The following IQGAP2 variants were observed in gnomAD, a reference collection of about 807,000 sequenced individuals.
The protein encoded by IQGAP2 is IQ motif containing GTPase activating protein 2.
Under a neutral mutation model 201.3 loss-of-function variants are expected in IQGAP2, and 173 were observed. That is an observed-to-expected ratio of 0.86 (90% CI 0.76 to 0.98). The LOEUF (loss-of-function observed/expected upper bound fraction) is 0.98. Among genes scored for constraint, IQGAP2 ranks in the 50% least tolerant of loss-of-function variants. The pLI is 0.00. For missense variants in IQGAP2, 1,687 were observed against 1,864.8 expected (o/e 0.90, Z 1.76); for synonymous variants, 675 against 673.9 (o/e 1.00, Z -0.03).
At chr5:76,636,230 A>G (rs1751115822) in intron 15 of IQGAP2, among the ~76,000 whole-genome samples, 1 of 152,230 alleles carries the variant, frequency 6.6e-6, no homozygotes, top group African/African-American at 2.4e-5. Context: ...TCTAAGTTAG[A>G]ACTTCTTATG....
At chr5:76,609,116 C>T (rs1029182167) in intron 12 of IQGAP2, 20 of 1,535,586 alleles carry the variant, frequency 1.3e-5, no homozygotes, top group East Asian at 4.9e-5. Flanking sequence ...TTCTTAGAAA[C>T]GCAGCAGACA....
intron 13 of IQGAP2, among the ~76,000 whole-genome samples, 181 bp downstream of exon 13, chr5:76,611,364 C>T (rs1748397903): frequency 6.6e-6 from 1 of 152,134 alleles, no homozygotes; most frequent in Non-Finnish European, 1.5e-5. Flanking sequence ...TGGGGGGAAA[C>T]CAGCTCCAGA....
intron 2 of IQGAP2, among the ~76,000 whole-genome samples, chr5:76,560,437 A>G (rs1334637875): frequency 1.3e-5 from 2 of 152,044 alleles, no homozygotes; most frequent in Non-Finnish European, 2.9e-5. Context: ...AATTACAGGC[A>G]TGAGCCATAG....
In IQGAP2 at chr5:76,461,162, G is replaced by A. The variant is rs1280382267; in HGVS notation, c.47-408G>A. Among the ~76,000 whole-genome samples the A allele has an allele frequency of 3.3e-5, 5 of 152,078 alleles. No individual in the cohort carries two copies. In the East Asian group the frequency reaches 7.7e-4, roughly 24 times the overall value. ...CAAAGTGCTGGGATTACAGGCGTGA[G>A]CCGCCGCACCTGGCCTTGATTCACT... On this transcript the variant is annotated intron_variant, in intron 1 of 35. Transcript: ENST00000274364.
At position 76,592,859 on chromosome 5, in the gene IQGAP2, GAAA is replaced by G. The variant is rs1561491045; in HGVS notation, c.842_844del (p.Glu281_Arg282delinsGly). On this transcript the variant is annotated inframe_deletion, in exon 9 of 36. Transcript: ENST00000274364. ...GCAGAATAGCTGTATTTCAGAAGAA[GAAA>G]GAGATGCTTATGAAGAACTGCTGAC... is the stretch of plus-strand genomic sequence containing the variant. 2 of 1,611,234 alleles carry G rather than the reference GAAA, an allele frequency of 1.2e-6. No homozygotes were observed. The highest frequency in any genetic ancestry group is 2.2e-5 in the South Asian group (2 of 90,952).
At chr5:76,589,756 C>A in intron 7 of IQGAP2, 28 bp downstream of exon 7, 2 of 1,311,238 alleles carry the variant, frequency 1.5e-6, no homozygotes, top group Non-Finnish European at 2.1e-6. Context: ...CCAAACTTGC[C>A]ATGGATGTGA....
At position 76,517,359 on chromosome 5, in the gene IQGAP2, T is replaced by C. The variant is rs147533303; in HGVS notation, c.147-45037T>C. Among the ~76,000 whole-genome samples the C allele has an allele frequency of 1.7e-3, 254 of 152,312 alleles. 2 individuals are homozygous for C. The highest frequency in any genetic ancestry group is 0.014 in the South Asian group (66 of 4,826). ...CACCATTGCCCCAATTTTTGTTCCT[T>C]CTAACTGCATTCAACTCTTCAATTC... On this transcript the variant is annotated intron_variant, in intron 2 of 35. Coordinates refer to ENST00000274364, the MANE Select transcript of IQGAP2 (RefSeq NM_006633.5).
chr5:76,480,911 T>TCCTGGTGGGTTTGGTGTCCC (rs1561403305), intron 2 of IQGAP2, among the ~76,000 whole-genome samples: 13 of 152,262 alleles, frequency 8.5e-5, no homozygotes, highest in African/African-American at 2.9e-4. Flanking sequence ...AAGATCAAAG[T>TCCTGGTGGGTTTGGTGTCCC]ACTGGTGGGT....
At position 76,403,462 on chromosome 5, in the gene IQGAP2, C is replaced by T. The variant is rs1422635544; in HGVS notation, c.-84C>T. On this transcript the variant is annotated 5_prime_UTR_variant, in exon 1 of 36. Coordinates refer to ENST00000274364, the MANE Select transcript of IQGAP2 (RefSeq NM_006633.5). This position sits in a 1 kb window ranked among gnomAD's most constrained non-coding sequence, Gnocchi z 4.8. Reference sequence around the variant, plus strand: ...GGCGAGAGGCGGGATCCGAGCGCGCCGGCGGGGCGCAGAGCCCGCGAGCCT... The same window carrying T: ...GGCGAGAGGCGGGATCCGAGCGCGCTGGCGGGGCGCAGAGCCCGCGAGCCT... The T allele has an allele frequency of 1.7e-5, 18 of 1,088,020 alleles. No homozygotes were observed. Among genetic ancestry groups the T allele is most frequent in the Non-Finnish European group, 2.0e-5 (17 of 833,318 alleles). The allele number at this position is 1,088,020 out of a possible 1,614,324, so 67.4% of individuals were successfully genotyped here.
chr5:76,668,022 T>C (rs777927094), intron 22 of IQGAP2, among the ~76,000 whole-genome samples: 2 of 151,784 alleles, frequency 1.3e-5, no homozygotes, highest in African/African-American at 2.4e-5. Context: ...AGGGACTGCA[T>C]GCGCACACCA....
chr5:76,416,688 T>C (rs1446034356), intron 1 of IQGAP2, among the ~76,000 whole-genome samples: 1 of 152,074 alleles, frequency 6.6e-6, no homozygotes, highest in East Asian at 1.9e-4. Flanking sequence ...CCACCACGCG[T>C]GGCTAATTTT....
rs150549730 is a variant in IQGAP2 at position 76,524,648 on chromosome 5, G to T, written c.147-37748G>T. Among the ~76,000 whole-genome samples, 20 of 152,294 alleles carry T rather than the reference G, an allele frequency of 1.3e-4. No individual in the cohort carries two copies. In the East Asian group the frequency reaches 3.9e-3, roughly 29 times the overall value. On this transcript the variant is annotated intron_variant, in intron 2 of 35. Transcript: ENST00000274364. ...ATAAGAGTTGAACAAGCCAAAGGAAGAAATGATATCATGGCCTAGTTGAAT... is the reference window on the plus strand; with the variant it reads ...ATAAGAGTTGAACAAGCCAAAGGAATAAATGATATCATGGCCTAGTTGAAT...
chr5:76,423,997 C>A (rs1244482818), intron 1 of IQGAP2, among the ~76,000 whole-genome samples: 1 of 152,164 alleles, frequency 6.6e-6, no homozygotes, highest in Non-Finnish European at 1.5e-5. Flanking sequence ...CATTTAGAAG[C>A]TCTTTAATCA....
intron 26 of IQGAP2, 113 bp downstream of exon 26, chr5:76,674,149 CA>C: frequency 1.5e-6 from 1 of 674,402 alleles, no homozygotes; most frequent in Non-Finnish European, 2.6e-6. Context: ...TAATAAGCTG[CA>C]GGTCTTCTGT....
intron 30 of IQGAP2, 83 bp downstream of exon 30, chr5:76,684,000 A>G: frequency 8.0e-7 from 1 of 1,244,818 alleles, no homozygotes; most frequent in Non-Finnish European, 1.1e-6. Context: ...ATCCCAACTA[A>G]TTTATTTAAA....
At chr5:76,510,571 G>C in intron 2 of IQGAP2, 1 of 468,026 alleles carries the variant, frequency 2.1e-6, no homozygotes, top group Non-Finnish European at 4.3e-6. Flanking sequence ...TCATGGACAC[G>C]ATCTGGAAGG....
chr5:76,705,709 C>A (rs1178653407), intron 35 of IQGAP2, among the ~76,000 whole-genome samples: 1 of 152,188 alleles, frequency 6.6e-6, no homozygotes. Flanking sequence ...TTCTTAAGTG[C>A]AGTGAGAGGT....
At position 76,637,200 on chromosome 5, in the gene IQGAP2, T is replaced by A. The variant is rs896582856; in HGVS notation, c.1923+24T>A. 6 of 1,575,402 alleles carry A rather than the reference T, an allele frequency of 3.8e-6. No homozygotes were observed. The African/African-American group carries it at 8.2e-5, about 22-fold the overall frequency. ...AGGTAGGAGGTTGGTGTTTGATGGA[T>A]AACTCTACTGTATAAAGTTAAATTT... On this transcript the variant is annotated intron_variant, in intron 16 of 35. Transcript: ENST00000274364.
chr5:76,608,246 C>T (rs1163439681), intron 12 of IQGAP2, among the ~76,000 whole-genome samples: 2 of 152,216 alleles, frequency 1.3e-5, no homozygotes, highest in Admixed American at 1.3e-4. Context: ...CACACAGCCA[C>T]TATAACACTT....
Sources: gnomAD v4.1 joint callset for allele counts (sites outside exome capture counted in the v4.1 genomes callset) on GRCh38, gnomAD v4.1.1 for gene constraint, Gnocchi (gnomAD v3.1) non-coding constraint, MANE v1.5 for transcripts, NCBI Gene and HGNC (gene_info 2026-07-23, HGNC 2026-07-21) for gene names.